The following PRDM16 variants were observed in gnomAD, a reference collection of about 807,000 sequenced individuals.
PRDM16 encodes the protein histone-lysine N-methyltransferase PRDM16.
A neutral mutation model predicts 110.6 loss-of-function variants in PRDM16; 23 were observed. The ratio of observed to expected loss-of-function variants is 0.21; its 90% CI spans 0.15 to 0.29. The LOEUF (loss-of-function observed/expected upper bound fraction) is 0.29. PRDM16 is among the 10% of genes least tolerant of loss of function. The pLI is 1.00. For synonymous variants in PRDM16, 799 were observed against 781.8 expected, an observed-to-expected ratio of 1.02 and a Z score of -0.37; for missense variants, 1,615 against 1,794.3, an observed-to-expected ratio of 0.90 and a Z score of 1.81.
In PRDM16 at chr1:3,255,678, C is replaced by T. The variant is rs547700207; in HGVS notation, c.438+11541C>T. 3.3e-4 allele frequency among the ~76,000 whole-genome samples: 50 copies of T among 152,210 alleles called. No homozygotes were observed. The highest frequency in any genetic ancestry group is 6.5e-4 in the Non-Finnish European group (44 of 68,034). On this transcript the variant is annotated intron_variant, in intron 3 of 16. Coordinates refer to ENST00000270722, the MANE Select transcript of PRDM16 (RefSeq NM_022114.4). The surrounding 1 kb of genome is among the most constrained non-coding windows in gnomAD (Gnocchi z 4.7). ...CTTGGTCCACCCTGGCGGTTGGGCC[C>T]AGTTTGTCCTGACTGCCTGCCCCCC...
chr1:3,405,593 G>A lies in PRDM16; in HGVS notation c.1131G>A (p.Thr377=), dbSNP rs769778096. ...CCGACTGCGGGAAGACCTTCGCCAC[G>A]TCCTCCGGCCTCAAGCAGCACAAGC... ...ACPDCGKTFA[T]SSGLKQHKHI... Residue 377 remains threonine, a synonymous_variant, in exon 8 of 17, where the codon ACG becomes ACA. Coordinates refer to ENST00000270722, the MANE Select transcript of PRDM16 (RefSeq NM_022114.4). 1.9e-5 allele frequency: 30 copies of A among 1,611,258 alleles called. 1 individual carries two copies. Among genetic ancestry groups the A allele is most frequent in the Middle Eastern group, 1.6e-4 (1 of 6,070 alleles).
At chr1:3,384,243 C>T (rs868688) in intron 3 of PRDM16, among the ~76,000 whole-genome samples, 82,685 of 151,980 alleles carry the variant, frequency 0.54, 23,090 homozygotes, top group African/African-American at 0.66. Context: ...CTGAGTGTAG[C>T]GTGGCCCCAT....
In PRDM16 at chr1:3,382,310, G is replaced by GCTGAGT. The variant is rs1439144186; in HGVS notation, c.439-2838_439-2833dup. Among the ~76,000 whole-genome samples, 8 of 152,224 alleles carry GCTGAGT rather than the reference G, an allele frequency of 5.3e-5. No individual in the cohort carries two copies. The highest frequency in any genetic ancestry group is 1.9e-4 in the African/African-American group (8 of 41,460). On this transcript the variant is annotated intron_variant, in intron 3 of 16. Coordinates refer to ENST00000270722, the MANE Select transcript of PRDM16 (RefSeq NM_022114.4). This position sits in a 1 kb window ranked among gnomAD's most constrained non-coding sequence, Gnocchi z 6.6. ...GAGATGGGGTGCAATGGGGCGGGCT[G>GCTGAGT]CTGAGTCTGTGGTTCTTGGATTGGG...
intron 4 of PRDM16, chr1:3,396,277 A>G (rs1243414634): frequency 3.2e-6 from 2 of 621,196 alleles, no homozygotes; most frequent in South Asian, 3.0e-5. Context: ...CTTTATGAAT[A>G]TCCTAAAACC....
chr1:3,215,988 C>T (rs908158819), intron 2 of PRDM16, among the ~76,000 whole-genome samples: 8 of 152,130 alleles, frequency 5.3e-5, no homozygotes, highest in African/African-American at 1.9e-4. Context: ...AGGCATTTTT[C>T]CCCCTGAAAC....
At position 3,270,349 on chromosome 1, in the gene PRDM16, C is replaced by G. The variant is rs187098363; in HGVS notation, c.438+26212C>G. 5.0e-3 allele frequency among the ~76,000 whole-genome samples: 671 copies of G among 133,018 alleles called. 10 individuals carry two copies. The highest frequency in any genetic ancestry group is 0.021 in the African/African-American group (636 of 30,444). 87.3% of individuals were successfully genotyped at this position (133,018 alleles called of 152,430 possible). A position where few individuals can be genotyped will look rare whatever the true frequency, so the allele number is the denominator to read the frequency against. ...AGAGGATGACAGTCAGGGAAGAGGA[C>G]AGTCCCGGAGGAGGACAGTCAGGAG... is the stretch of plus-strand genomic sequence containing the variant. On this transcript the variant is annotated intron_variant, in intron 3 of 16. Transcript: ENST00000270722.
intron 16 of PRDM16, among the ~76,000 whole-genome samples, chr1:3,433,430 G>A (rs1409719815): frequency 6.6e-6 from 1 of 152,226 alleles, no homozygotes; most frequent in Non-Finnish European, 1.5e-5. Context: ...GGGATGGCCT[G>A]TCCTGCCCAC....
chr1:3,149,020 G>A (rs908990628), intron 1 of PRDM16, among the ~76,000 whole-genome samples: 1 of 152,118 alleles, frequency 6.6e-6, no homozygotes, highest in Non-Finnish European at 1.5e-5. Flanking sequence ...TGGCCACCCC[G>A]GCTTCTGTCC....
At chr1:3,233,461 G>A (rs1249720374) in intron 2 of PRDM16, among the ~76,000 whole-genome samples, 13 of 152,212 alleles carry the variant, frequency 8.5e-5, no homozygotes, top group African/African-American at 2.9e-4. Flanking sequence ...CACAGTGAGC[G>A]GAATCTGTCC....
intron 3 of PRDM16, among the ~76,000 whole-genome samples, chr1:3,364,017 C>G (rs1642764795): frequency 6.6e-6 from 1 of 152,204 alleles, no homozygotes; most frequent in African/African-American, 2.4e-5. Context: ...CATGAGTTCC[C>G]TCATTTTGTC....
chr1:3,181,793 TGCAGTCTTACACAC>T (rs1644206138), intron 1 of PRDM16, among the ~76,000 whole-genome samples: 2 of 58,816 alleles, frequency 3.4e-5, no homozygotes, highest in South Asian at 1.0e-3. Context: ...GTCTTACACA[TGCAGTCTTACACAC>T]GGTCTTACAC....
rs375803968 is a variant in PRDM16 at position 3,081,006 on chromosome 1, TA to T, written c.37+11718del. Among the ~76,000 whole-genome samples, 381 of 151,132 alleles carry T rather than the reference TA, an allele frequency of 2.5e-3. 1 individual carries two copies. The highest frequency in any genetic ancestry group is 8.9e-3 in the African/African-American group (367 of 41,100). Reference sequence around the variant, plus strand: ...CGAGTGTCCTCATGAACAAAAGGCCTAAAAAAAAGCAGAGAGTAAGGGAGCT... The same window carrying T: ...CGAGTGTCCTCATGAACAAAAGGCCTAAAAAAAGCAGAGAGTAAGGGAGCT... On this transcript the variant is annotated intron_variant, in intron 1 of 16. Transcript: ENST00000270722. The surrounding 1 kb of genome is among the most constrained non-coding windows in gnomAD (Gnocchi z 4.6).
At chr1:3,392,058 C>T (rs772215139) in intron 4 of PRDM16, among the ~76,000 whole-genome samples, 2 of 152,248 alleles carry the variant, frequency 1.3e-5, no homozygotes, top group African/African-American at 2.4e-5. Context: ...TGAGACCCAG[C>T]CACCTCCGCT....
Position 3,358,330 on chromosome 1 carries a change from G to A in PRDM16, c.439-26822G>A, listed in dbSNP as rs1350319407. On this transcript the variant is annotated intron_variant, in intron 3 of 16. Transcript: ENST00000270722. This position sits in a 1 kb window ranked among gnomAD's most constrained non-coding sequence, Gnocchi z 4.0. Reference sequence around the variant, plus strand: ...GTCCTGAACTGGGTCTTCTCTGGATGCGAGACCTTCCCCCTGGCTGAGGGT... The same window carrying A: ...GTCCTGAACTGGGTCTTCTCTGGATACGAGACCTTCCCCCTGGCTGAGGGT... Among the ~76,000 whole-genome samples the A allele has an allele frequency of 6.6e-6, 1 of 152,206 alleles. No homozygotes were observed. Among genetic ancestry groups the A allele is most frequent in the East Asian group, 1.9e-4 (1 of 5,184 alleles).
At chr1:3,233,457 G>A (rs1299527963) in intron 2 of PRDM16, among the ~76,000 whole-genome samples, 6 of 152,184 alleles carry the variant, frequency 3.9e-5, no homozygotes, top group Non-Finnish European at 7.3e-5. Context: ...CACTCACAGT[G>A]AGCGGAATCT....
intron 3 of PRDM16, among the ~76,000 whole-genome samples, chr1:3,376,913 C>T (rs1219419332): frequency 6.6e-6 from 1 of 152,246 alleles, no homozygotes; most frequent in African/African-American, 2.4e-5. Context: ...ACCCAGCCCC[C>T]TATTGGGCAT....
At chr1:3,249,455 C>G (rs1353043368) in intron 3 of PRDM16, among the ~76,000 whole-genome samples, 1 of 151,712 alleles carries the variant, frequency 6.6e-6, no homozygotes, top group African/African-American at 2.4e-5. Context: ...CCGCCTTTTC[C>G]CGTTCCCTTA....
chr1:3,327,574 C>A (rs1350575584), intron 3 of PRDM16, among the ~76,000 whole-genome samples: 4 of 152,256 alleles, frequency 2.6e-5, no homozygotes, highest in Non-Finnish European at 5.9e-5. Context: ...TGATGCAGAG[C>A]GTATCAGCCG....
At position 3,186,938 on chromosome 1, in the gene PRDM16, C is replaced by T. The variant is rs949088630; in HGVS notation, c.387+464C>T. ...GTCTTCCCCGCCTGCCCCGGTCAGC[C>T]AGTGGCCTAAGAGCAGCCTCAGCTT... On this transcript the variant is annotated intron_variant, in intron 2 of 16. Coordinates refer to ENST00000270722, the MANE Select transcript of PRDM16 (RefSeq NM_022114.4). Among the ~76,000 whole-genome samples, 3 of 152,358 alleles carry T rather than the reference C, an allele frequency of 2.0e-5. No individual in the cohort carries two copies. In the East Asian group the frequency reaches 5.8e-4, roughly 29 times the overall value.
Sources: gnomAD v4.1 joint callset for allele counts (sites outside exome capture counted in the v4.1 genomes callset) on GRCh38, gnomAD v4.1.1 for gene constraint, Gnocchi (gnomAD v3.1) non-coding constraint, MANE v1.5 for transcripts, NCBI Gene and HGNC (gene_info 2026-07-23, HGNC 2026-07-21) for gene names.